The following L3MBTL4 variants were observed in gnomAD, a reference collection of about 807,000 sequenced individuals.
The protein encoded by L3MBTL4 is lethal(3)malignant brain tumor-like protein 4.
In L3MBTL4, 70 loss-of-function variants were observed where a neutral mutation model predicts 84.5. The ratio of observed to expected loss-of-function variants is 0.83; its 90% confidence interval spans 0.68 to 1.01. The LOEUF is 1.01. Ranked by LOEUF, L3MBTL4 falls within the 50% of genes least tolerant of loss-of-function variation. The pLI, the probability that L3MBTL4 is intolerant of heterozygous loss-of-function variation, is 0.00. For missense variants in L3MBTL4, 715 were observed against 754.8 expected, an observed-to-expected ratio of 0.95 and a Z score of 0.62; for synonymous variants, 274 against 259.8, an observed-to-expected ratio of 1.05 and a Z score of -0.52.
chr18:6,031,950 T>TA, intron 16 of L3MBTL4: 1 of 573,076 alleles, frequency 1.7e-6, no homozygotes. Flanking sequence ...TTAAAAGGAA[T>TA]TTCTCCACCC....
intron 14 of L3MBTL4, among the ~76,000 whole-genome samples, chr18:6,111,206 G>A (rs910594460): frequency 6.6e-6 from 1 of 152,116 alleles, no homozygotes; most frequent in African/African-American, 2.4e-5. Context: ...AAAGGAAGAT[G>A]CAAATGGATA....
intron 16 of L3MBTL4, among the ~76,000 whole-genome samples, chr18:5,984,157 C>T (rs2053363148): frequency 6.6e-6 from 1 of 152,232 alleles, no homozygotes; most frequent in Non-Finnish European, 1.5e-5. Flanking sequence ...GGTGATCTGC[C>T]TGCCTCAGCC....
intron 4 of L3MBTL4, among the ~76,000 whole-genome samples, chr18:6,277,924 T>C (rs898143089): frequency 6.6e-6 from 1 of 152,116 alleles, no homozygotes; most frequent in African/African-American, 2.4e-5. Context: ...AATCTTATCA[T>C]GTGTAAATAT....
chr18:6,085,551 T>C (rs1851695), intron 15 of L3MBTL4, among the ~76,000 whole-genome samples: 55,212 of 152,058 alleles, frequency 0.36, 12,611 homozygotes, highest in African/African-American at 0.65. Context: ...AGTTTCCCCA[T>C]GCTGTTCTCA....
In L3MBTL4 at chr18:5,956,383, A is replaced by G. The variant is rs1378594346; in HGVS notation, c.1682T>C (p.Ile561Thr). Residue 561 changes from isoleucine to threonine, a missense_variant, in exon 19 of 19, where the codon ATC becomes ACC. Coordinates refer to ENST00000317931, the MANE Select transcript of L3MBTL4 (RefSeq NM_001330559.2). The part of the protein sequence containing the change: ...EHAKCFKKEQ[I>T]DGKAFLLLTQ... ...CAGAAGCAGGAAGGCTTTGCCATCG[A>G]TCTGCTGCAAATACATAAATAGACA... 6.2e-7 allele frequency: 1 copy of G among 1,613,878 alleles called. No homozygotes were observed. Among genetic ancestry groups the G allele is most frequent in the Non-Finnish European group, 8.5e-7 (1 of 1,179,920 alleles).
intron 5 of L3MBTL4, among the ~76,000 whole-genome samples, chr18:6,257,852 G>A (rs1599369582): frequency 6.6e-6 from 1 of 152,044 alleles, no homozygotes; most frequent in African/African-American, 2.4e-5. Flanking sequence ...CTCCATGTTG[G>A]TCAGGCTGGT....
At chr18:6,382,702 C>T (rs961940493) in intron 1 of L3MBTL4, among the ~76,000 whole-genome samples, 18 of 152,210 alleles carry the variant, frequency 1.2e-4, no homozygotes, top group African/African-American at 4.3e-4. Context: ...TCCAAAGGGG[C>T]ACCTGCCAGA....
intron 16 of L3MBTL4, among the ~76,000 whole-genome samples, chr18:6,058,016 TAACTC>T (rs1428557327): frequency 5.3e-5 from 8 of 152,232 alleles, no homozygotes; most frequent in Middle Eastern, 3.2e-3. Context: ...CAACATGACT[TAACTC>T]AAGTATGCTG....
intron 16 of L3MBTL4, chr18:6,029,581 G>A (rs1158375407): frequency 9.1e-6 from 9 of 985,284 alleles, no homozygotes; most frequent in African/African-American, 1.7e-5. Context: ...ACGATAAACT[G>A]CTTAGGAATA....
intron 16 of L3MBTL4, among the ~76,000 whole-genome samples, chr18:6,065,726 G>A (rs1020832142): frequency 1.3e-5 from 2 of 151,762 alleles, no homozygotes; most frequent in African/African-American, 4.8e-5. Context: ...GAATAATTGA[G>A]CATATATGGA....
chr18:6,377,786 T>C (rs1001111563), intron 1 of L3MBTL4, among the ~76,000 whole-genome samples: 8 of 152,228 alleles, frequency 5.3e-5, no homozygotes, highest in Admixed American at 1.3e-4. Flanking sequence ...TAAACATACA[T>C]GTGCATGCGT....
chr18:6,335,622 C>T (rs1217166616), intron 1 of L3MBTL4, among the ~76,000 whole-genome samples: 1 of 151,954 alleles, frequency 6.6e-6, no homozygotes, highest in Admixed American at 6.6e-5. Context: ...AATTATAATC[C>T]CCCTAATCCT....
At chr18:6,085,845 G>A (rs2095718599) in intron 15 of L3MBTL4, among the ~76,000 whole-genome samples, 1 of 152,136 alleles carries the variant, frequency 6.6e-6, no homozygotes, top group Non-Finnish European at 1.5e-5. Flanking sequence ...CATCAAAAAG[G>A]TACAGAGAAC....
At chr18:6,397,603 T>A (rs2055328880) in intron 1 of L3MBTL4, 1 of 152,148 alleles carries the variant, frequency 6.6e-6, no homozygotes, top group Non-Finnish European at 1.5e-5. Context: ...AATCCCAGCA[T>A]TTTGGGAGGT....
intron 1 of L3MBTL4, chr18:6,367,480 C>T (rs897166340): frequency 2.0e-5 from 3 of 152,276 alleles, no homozygotes; most frequent in African/African-American, 7.2e-5. Context: ...TGCTCTCCAC[C>T]CTGGCCCACA....
intron 1 of L3MBTL4, among the ~76,000 whole-genome samples, chr18:6,330,062 G>A (rs2143100161): frequency 6.6e-6 from 1 of 152,220 alleles, no homozygotes; most frequent in South Asian, 2.1e-4. Context: ...CCCTTTTGTT[G>A]CTGATGAGTA....
intron 16 of L3MBTL4, among the ~76,000 whole-genome samples, chr18:5,978,728 C>A (rs754265448): frequency 6.6e-6 from 1 of 152,116 alleles, no homozygotes; most frequent in African/African-American, 2.4e-5. Context: ...TGCCTGAGGA[C>A]GTGGTTTAAT....
At chr18:6,112,697 A>C (rs2059231461) in intron 14 of L3MBTL4, among the ~76,000 whole-genome samples, 1 of 152,238 alleles carries the variant, frequency 6.6e-6, no homozygotes, top group Non-Finnish European at 1.5e-5. Flanking sequence ...TAAAAGTATA[A>C]GTTACATTTA....
intron 4 of L3MBTL4, among the ~76,000 whole-genome samples, chr18:6,271,201 T>G (rs928231208): frequency 6.6e-6 from 1 of 152,244 alleles, no homozygotes; most frequent in Non-Finnish European, 1.5e-5. Flanking sequence ...TAATAGAGTA[T>G]TGTACATTTC....
Sources: allele counts gnomAD v4.1 joint callset (sites outside exome capture counted in the v4.1 genomes callset), GRCh38; gene constraint gnomAD v4.1.1; transcripts MANE v1.5; gene names NCBI Gene and HGNC (gene_info 2026-07-23, HGNC 2026-07-21).